Variants in SPATA31C1 observed in about 807,000 individuals in gnomAD.
The protein encoded by SPATA31C1 is spermatogenesis-associated protein 31C1.
At chr9:87,920,828 G>A (rs746334628) in exon 5 of SPATA31C1, 42 of 1,613,614 alleles carry the variant, frequency 2.6e-5, no homozygotes, top group South Asian at 9.9e-5. Context: ...TCTTCAACTC[G>A]TCAGTCCAGC....
rs369011899 is a variant in SPATA31C1, at chr9:87,919,325, G to A, written n.557G>A. 4.1e-4 allele frequency: 659 copies of A among 1,602,036 alleles called. 5 individuals are homozygous for A. Among genetic ancestry groups the A allele is most frequent in the Middle Eastern group, 2.7e-3 (16 of 6,006 alleles). On this transcript the variant is annotated non_coding_transcript_exon_variant, in exon 3 of 5. Coordinates refer to ENST00000420021, the Ensembl canonical transcript of SPATA31C1. ...GGGCGGAGGGGGAGGCCCAGAGGCA[G>A]GATGAAAAACCACAGTCTGAGAGGT...
At chr9:87,921,933 C>T (rs1325987454) in exon 5 of SPATA31C1, 2 of 1,612,156 alleles carry the variant, frequency 1.2e-6, no homozygotes. Flanking sequence ...CAAGCCCATT[C>T]AGTGCTTTCA....
At chr9:87,921,840 G>C (rs769329935) in exon 5 of SPATA31C1, 7 of 1,611,938 alleles carry the variant, frequency 4.3e-6, no homozygotes, top group Non-Finnish European at 5.9e-6. Context: ...TTCCTTCCTT[G>C]AGCTGTGTAC....
chr9:87,923,059 T>C lies in SPATA31C1; in HGVS notation n.3449T>C, dbSNP rs780734906. On this transcript the variant is annotated non_coding_transcript_exon_variant, in exon 5 of 5. Transcript: ENST00000420021. ...AAAACAGTAAAAAACAGATCATGCG[T>C]GTACGGCAGCAGTGCTGAAGCTGAG... The C allele has an allele frequency of 2.2e-5, 36 of 1,600,202 alleles. 1 individual carries two copies. Among genetic ancestry groups the C allele is most frequent in the Non-Finnish European group, 2.7e-5 (32 of 1,172,078 alleles).
rs1205794365 is a variant in SPATA31C1 at position 87,915,892 on chromosome 9, G to C, written n.189+1182G>C. On this transcript the variant is annotated intron_variant and non_coding_transcript_variant, in intron 1 of 4. Coordinates refer to ENST00000420021, the Ensembl canonical transcript of SPATA31C1. ...TCTTCTATTTCAGACTTGTTTTGTT[G>C]AGCTGTATTATAGAAAAAACTATTC... is the stretch of plus-strand genomic sequence containing the variant. Among the ~76,000 whole-genome samples, 40 of 144,662 alleles carry C rather than the reference G, an allele frequency of 2.8e-4. 3 individuals carry two copies. Among genetic ancestry groups the C allele is most frequent in the African/African-American group, 6.3e-4 (25 of 39,694 alleles). The allele number at this position is 144,662 out of a possible 152,430, so 94.9% of individuals were successfully genotyped here.
Position 87,922,082 on chromosome 9 carries a change from G to A in SPATA31C1, n.2472G>A, listed in dbSNP as rs1198687944. 5 of 1,613,998 alleles carry A rather than the reference G, an allele frequency of 3.1e-6. No homozygotes were observed. In the East Asian group the frequency reaches 8.9e-5, roughly 29 times the overall value. On this transcript the variant is annotated non_coding_transcript_exon_variant, in exon 5 of 5. Coordinates refer to ENST00000420021, the Ensembl canonical transcript of SPATA31C1. ...CAATGGCAAGTCTGAGAAAGCAAGTGCTGACCAAACCATCTGTTCACATGC... is the reference window on the plus strand; with the variant it reads ...CAATGGCAAGTCTGAGAAAGCAAGTACTGACCAAACCATCTGTTCACATGC...
intron 4 of SPATA31C1, 110 bp from the exon 4 acceptor site, chr9:87,920,142 G>T: frequency 6.3e-7 from 1 of 1,599,996 alleles, no homozygotes; most frequent in South Asian, 1.1e-5. Context: ...TCAGGGTGTG[G>T]CGTGGTGGAG....
rs479917 is a variant in SPATA31C1 at position 87,920,955 on chromosome 9, C to T, written n.1345C>T. ...CTTTATTTCATCCACACCCCAATTC[C>T]GGCCCACACCTATGGCTCAGGCCGA... On this transcript the variant is annotated non_coding_transcript_exon_variant, in exon 5 of 5. Coordinates refer to ENST00000420021, the Ensembl canonical transcript of SPATA31C1. 6.0e-5 allele frequency: 96 copies of T among 1,613,000 alleles called. No individual in the cohort carries two copies. The East Asian group carries it at 7.4e-4, about 12-fold the overall frequency.
rs771953119 is a variant in SPATA31C1, at chr9:87,923,140, C to T, written n.3530C>T. On this transcript the variant is annotated non_coding_transcript_exon_variant, in exon 5 of 5. Transcript: ENST00000420021. ...GAGGAGAACATGTCACTTTGCCATG[C>T]GCGCCATGCCTCGAAGGTAAATCAG... 18 of 1,603,210 alleles carry T rather than the reference C, an allele frequency of 1.1e-5. No homozygotes were observed. In the East Asian group the frequency reaches 1.8e-4, roughly 16 times the overall value.
exon 5 of SPATA31C1, chr9:87,923,353 A>G (rs1466016654): frequency 1.2e-6 from 2 of 1,602,612 alleles, no homozygotes; most frequent in East Asian, 4.5e-5. Context: ...GTCCGGTGCA[A>G]CAATGAGCAA....
At chr9:87,917,433 T>TA (rs1220349022) in intron 1 of SPATA31C1, 5 of 110,744 alleles carry the variant, frequency 4.5e-5, no homozygotes, top group East Asian at 2.7e-4. Flanking sequence ...ATAAAAAAAA[T>TA]AAAAAAAAAG....
intron 1 of SPATA31C1, among the ~76,000 whole-genome samples, chr9:87,917,082 A>C (rs1483777952): frequency 7.3e-6 from 1 of 136,998 alleles, no homozygotes; most frequent in East Asian, 2.9e-4. Context: ...TTTTAAAAAA[A>C]TCTTAATTGT....
chr9:87,921,764 C>T (rs747720828), exon 5 of SPATA31C1: 21 of 1,611,944 alleles, frequency 1.3e-5, no homozygotes, highest in South Asian at 7.7e-5. Flanking sequence ...CCAACACCCA[C>T]GTGAAAACCA....
intron 1 of SPATA31C1, among the ~76,000 whole-genome samples, chr9:87,915,224 C>G (rs1828689745): frequency 1.0e-5 from 1 of 98,942 alleles, no homozygotes; most frequent in South Asian, 4.2e-4. Flanking sequence ...GGGCCTGAGC[C>G]TGGGTGTTCC....
Position 87,922,550 on chromosome 9 carries a change from C to T in SPATA31C1, n.2940C>T, listed in dbSNP as rs528082706. ...CAGAGACCCAGCCTCAAGTTTCTGC[C>T]GCTGTTGTGCTCCTTCCAGATGGGC... On this transcript the variant is annotated non_coding_transcript_exon_variant, in exon 5 of 5. Coordinates refer to ENST00000420021, the Ensembl canonical transcript of SPATA31C1. 193 of 1,610,472 alleles carry T rather than the reference C, an allele frequency of 1.2e-4. No individual in the cohort carries two copies. In the East Asian group the frequency reaches 3.6e-3, roughly 30 times the overall value.
At chr9:87,922,065 A>T in exon 5 of SPATA31C1, 1 of 1,613,994 alleles carries the variant, frequency 6.2e-7, no homozygotes. Flanking sequence ...ACCAATGGCA[A>T]GTCTGAGAAA....
exon 5 of SPATA31C1, chr9:87,921,916 G>A (rs1402090494): frequency 5.0e-6 from 8 of 1,612,070 alleles, no homozygotes; most frequent in Non-Finnish European, 6.8e-6. Context: ...CTACCCCTCA[G>A]GGTCCTCAAG....
chr9:87,921,772 C>A lies in SPATA31C1; in HGVS notation n.2162C>A, dbSNP rs773433230. On this transcript the variant is annotated non_coding_transcript_exon_variant, in exon 5 of 5. Coordinates refer to ENST00000420021, the Ensembl canonical transcript of SPATA31C1. ...CCCGTATCCAACACCCACGTGAAAA[C>A]CAGCAATCTAGCAGCCCCGAAAAGT... 8.1e-6 allele frequency: 13 copies of A among 1,611,924 alleles called. No homozygotes were observed. The African/African-American group carries it at 9.4e-5, about 12-fold the overall frequency.
chr9:87,920,263 C>T, exon 5 of SPATA31C1: 2 of 1,613,566 alleles, frequency 1.2e-6, no homozygotes, highest in Non-Finnish European at 1.7e-6. Context: ...CTCCTGGGGC[C>T]ACACCTTGAA....
Sources: allele counts gnomAD v4.1 joint callset (sites outside exome capture counted in the v4.1 genomes callset), GRCh38; gene constraint gnomAD v4.1.1; transcripts MANE v1.5; gene names NCBI Gene and HGNC (gene_info 2026-07-23, HGNC 2026-07-21).